The following KIAA0232 variants were observed in gnomAD, a reference collection of about 807,000 sequenced individuals.
KIAA0232 encodes the protein KIAA0232.
In KIAA0232, 27 loss-of-function variants were observed where a neutral mutation model predicts 122.0. The observed-to-expected ratio is 0.22, with a 90% CI of 0.16 to 0.31. KIAA0232 has a LOEUF of 0.31. Among genes scored for constraint, KIAA0232 ranks in the 10% least tolerant of loss-of-function variants. The pLI is 1.00. For synonymous variants in KIAA0232, 613 were observed against 587.6 expected, an observed-to-expected ratio of 1.04 and a Z score of -0.63; for missense variants, 1,551 against 1,634.2, an observed-to-expected ratio of 0.95 and a Z score of 0.88.
At chr4:6,807,434 T>C (rs1717692352) in intron 2 of KIAA0232, among the ~76,000 whole-genome samples, 1 of 152,216 alleles carries the variant, frequency 6.6e-6, no homozygotes, top group Non-Finnish European at 1.5e-5. Context: ...CTTTATGCAG[T>C]TTTTCCTCTT....
Position 6,824,624 on chromosome 4 carries a change from C to T in KIAA0232, c.171C>T (p.Tyr57=), listed in dbSNP as rs1272115887. 1.2e-6 allele frequency: 2 copies of T among 1,614,230 alleles called. No homozygotes were observed. Among genetic ancestry groups the T allele is most frequent in the Admixed American group, 3.3e-5 (2 of 60,010 alleles). The change falls in exon 3 of 10, where the codon TAC becomes TAT. Residue 57 remains tyrosine, a synonymous_variant. Transcript: ENST00000307659. ...LEKCGIDAMI[Y]TRYVLSLLLH... ...AATGTGGCATTGATGCCATGATTTA[C>T]ACTCGGTATGTCCTCAGTCTTCTGC...
intron 3 of KIAA0232, among the ~76,000 whole-genome samples, chr4:6,840,720 AC>A (rs1719604273): frequency 6.8e-6 from 1 of 147,138 alleles, no homozygotes; most frequent in African/African-American, 2.5e-5. Context: ...GTATAAGCAG[AC>A]TTTTTTTTTT....
Position 6,861,305 on chromosome 4 carries a change from C to G in KIAA0232, c.923C>G (p.Ala308Gly). ...SSSGNQGELK[A>G]SMKYVKVRHK... ...AGTGGGAATCAGGGAGAATTAAAAG[C>G]ATCCATGAAGTATGTTAAAGTAAGA... is the stretch of plus-strand genomic sequence containing the variant. The change falls in exon 7 of 10, where the codon GCA (alanine) becomes GGA (glycine). Residue 308 changes from alanine (A) to glycine (G), a missense_variant. Physicochemically the swap from Ala to Gly is moderately conservative, Grantham distance 60 (BLOSUM62 0). Transcript: ENST00000307659. 14 of 1,614,102 alleles carry G rather than the reference C, an allele frequency of 8.7e-6. No individual in the cohort carries two copies. Among genetic ancestry groups the G allele is most frequent in the Non-Finnish European group, 1.2e-5 (14 of 1,180,038 alleles).
chr4:6,790,016 G>A (rs1479141071), intron 1 of KIAA0232, among the ~76,000 whole-genome samples: 4 of 151,920 alleles, frequency 2.6e-5, no homozygotes, highest in African/African-American at 4.8e-5. Context: ...GTGACTGAGC[G>A]AGACCCTGTC....
chr4:6,840,423 G>A (rs530153502), intron 3 of KIAA0232, among the ~76,000 whole-genome samples: 38 of 152,324 alleles, frequency 2.5e-4, no homozygotes, highest in South Asian at 4.1e-4. Context: ...AGGCAGGGGC[G>A]TATGCTCAGC....
intron 7 of KIAA0232, among the ~76,000 whole-genome samples, chr4:6,865,683 C>T (rs1048938305): frequency 6.6e-6 from 1 of 152,208 alleles, no homozygotes; most frequent in Non-Finnish European, 1.5e-5. Context: ...GCACTTCCTC[C>T]CAACTGTCCT....
At chr4:6,815,577 G>A (rs910649434) in intron 2 of KIAA0232, among the ~76,000 whole-genome samples, 6 of 152,186 alleles carry the variant, frequency 3.9e-5, no homozygotes, top group African/African-American at 1.4e-4. Flanking sequence ...AGAAGCCATC[G>A]TGTGGTTGGT....
intron 5 of KIAA0232, 79 bp from the exon 6 acceptor site, chr4:6,858,346 A>G: frequency 1.3e-6 from 1 of 786,112 alleles, no homozygotes; most frequent in South Asian, 1.9e-5. Context: ...TGTTAAAATT[A>G]GTTGAGAAAC....
In KIAA0232 at chr4:6,867,586, T is replaced by G. The variant is rs1721253416; in HGVS notation, c.3801+3403T>G. ...CACAGAAAATAAGCAAAAGGCTTAC[T>G]TGCTGTCTTCAGGGAATTTCAGTCC... On this transcript the variant is annotated intron_variant, in intron 7 of 9. Coordinates refer to ENST00000307659, the MANE Select transcript of KIAA0232 (RefSeq NM_014743.3). Among the ~76,000 whole-genome samples, 4 of 152,332 alleles carry G rather than the reference T, an allele frequency of 2.6e-5. No individual in the cohort carries two copies. In the South Asian group the frequency reaches 8.3e-4, roughly 32 times the overall value.
At chr4:6,845,832 T>C (rs1371827826) in intron 4 of KIAA0232, among the ~76,000 whole-genome samples, 1 of 152,176 alleles carries the variant, frequency 6.6e-6, no homozygotes, top group Non-Finnish European at 1.5e-5. Flanking sequence ...TATAAAAACC[T>C]TCTATGAGTA....
rs115284259 is a variant in KIAA0232, at chr4:6,853,624, A to T, written c.370-3540A>T. Reference sequence around the variant, plus strand: ...GCGGCACCTGTCCAGCATTTAGGGAATATCCAGTCTAAATGAACCCTCCAT... The same window carrying T: ...GCGGCACCTGTCCAGCATTTAGGGATTATCCAGTCTAAATGAACCCTCCAT... On this transcript the variant is annotated intron_variant, in intron 4 of 9. Transcript: ENST00000307659. Among the ~76,000 whole-genome samples the T allele has an allele frequency of 3.5e-3, 537 of 152,354 alleles. 3 individuals carry two copies. Among genetic ancestry groups the T allele is most frequent in the African/African-American group, 0.012 (487 of 41,584 alleles).
intron 7 of KIAA0232, among the ~76,000 whole-genome samples, chr4:6,869,037 G>A (rs1362275849): frequency 6.6e-6 from 1 of 152,154 alleles, no homozygotes; most frequent in Non-Finnish European, 1.5e-5. Flanking sequence ...CTTTGTGCGG[G>A]GCCCCATACT....
rs1721008702 is a variant in KIAA0232, at chr4:6,863,574, A to G, written c.3192A>G (p.Ala1064=). The G allele has an allele frequency of 6.8e-6, 11 of 1,614,208 alleles. No homozygotes were observed. The highest frequency in any genetic ancestry group is 8.5e-6 in the Non-Finnish European group (10 of 1,180,032). The change falls in exon 7 of 10, where the codon GCA becomes GCG. Residue 1064 remains alanine, a synonymous_variant. Coordinates refer to ENST00000307659, the MANE Select transcript of KIAA0232 (RefSeq NM_014743.3). ...GCTCATTTGAACCTGAAGGGATTGC[A>G]TCTTTCAGCCCCAGTTTTAAACCGA... is the stretch of plus-strand genomic sequence containing the variant. ...VECSFEPEGI[A]SFSPSFKPKS...
At chr4:6,797,661 G>A (rs1717188179) in intron 1 of KIAA0232, among the ~76,000 whole-genome samples, 1 of 151,688 alleles carries the variant, frequency 6.6e-6, no homozygotes, top group Non-Finnish European at 1.5e-5. Flanking sequence ...AGTTACCTGG[G>A]AGGCTGAGGT....
intron 4 of KIAA0232, among the ~76,000 whole-genome samples, chr4:6,842,585 ATTT>A (rs758473629): frequency 1.5e-5 from 2 of 133,296 alleles, no homozygotes; most frequent in Admixed American, 7.5e-5. Flanking sequence ...CTTGCTCTTG[ATTT>A]TTTTTTTTTT....
intron 9 of KIAA0232, among the ~76,000 whole-genome samples, chr4:6,879,120 C>T (rs560759522): frequency 2.9e-4 from 44 of 152,292 alleles, no homozygotes; most frequent in Admixed American, 1.8e-3. Context: ...GCCACTGTCC[C>T]TGCTCCTGAA....
chr4:6,853,802 G>A (rs1365372715), intron 4 of KIAA0232, among the ~76,000 whole-genome samples: 1 of 152,190 alleles, frequency 6.6e-6, no homozygotes, highest in Non-Finnish European at 1.5e-5. Flanking sequence ...GGAGAAGATG[G>A]AGAAATACTG....
At chr4:6,851,309 G>A (rs1402114448) in intron 4 of KIAA0232, among the ~76,000 whole-genome samples, 1 of 152,166 alleles carries the variant, frequency 6.6e-6, no homozygotes, top group Admixed American at 6.5e-5. Context: ...CTGAGCTTCT[G>A]TAGCCAAATA....
intron 1 of KIAA0232, among the ~76,000 whole-genome samples, chr4:6,787,177 CAAAAAAA>C (rs34617834): frequency 1.5e-3 from 123 of 81,412 alleles, no homozygotes; most frequent in Admixed American, 4.2e-3. Context: ...AAGGCTCTCT[CAAAAAAA>C]AAAAAAAAAA....
Sources: allele counts gnomAD v4.1 joint callset (sites outside exome capture counted in the v4.1 genomes callset), GRCh38; gene constraint gnomAD v4.1.1; transcripts MANE v1.5; gene names NCBI Gene and HGNC (gene_info 2026-07-23, HGNC 2026-07-21).